ZNF618: variants seen among roughly 807,000 people sequenced by gnomAD.
ZNF618 encodes neural precursor cell expressed, developmentally down-regulated 10.
ZNF618 carries 34 observed loss-of-function variants against 103.0 expected under a neutral mutation model. That is an observed-to-expected ratio of 0.33 (90% CI 0.25 to 0.44). The LOEUF is 0.44. ZNF618 is among the 20% of genes least tolerant of loss of function. ZNF618 has a pLI of 1.00. For missense variants in ZNF618, 1,059 were observed against 1,295.4 expected (o/e 0.82, Z 2.80); for synonymous variants, 551 against 542.2 (o/e 1.02, Z -0.23).
At chr9:113,926,554 A>G (rs146914648) in intron 1 of ZNF618, among the ~76,000 whole-genome samples, 77 of 151,678 alleles carry the variant, frequency 5.1e-4, no homozygotes, top group African/African-American at 1.9e-3. Flanking sequence ...ATTTGGCTCT[A>G]TTTTTTACAC....
intron 1 of ZNF618, 54 bp from the exon 2 acceptor site, chr9:113,969,063 C>G: frequency 6.2e-7 from 1 of 1,608,096 alleles, no homozygotes; most frequent in Non-Finnish European, 8.5e-7. Flanking sequence ...GGCAGCAGGT[C>G]AAATCTGCAT....
At chr9:113,989,012 A>C (rs906818431) in intron 3 of ZNF618, among the ~76,000 whole-genome samples, 2 of 152,070 alleles carry the variant, frequency 1.3e-5, no homozygotes, top group African/African-American at 4.8e-5. Context: ...GACAGATGGC[A>C]CTTCCCCTGC....
At chr9:113,889,185 G>T (rs1829361676) in intron 1 of ZNF618, among the ~76,000 whole-genome samples, 1 of 152,230 alleles carries the variant, frequency 6.6e-6, no homozygotes, top group South Asian at 2.1e-4. Context: ...TCTGGCTCAG[G>T]GTCTTTCTGT....
chr9:113,994,430 A>T (rs535367961), intron 3 of ZNF618, among the ~76,000 whole-genome samples: 2 of 152,322 alleles, frequency 1.3e-5, no homozygotes, highest in South Asian at 2.1e-4. Context: ...CCACCCTCCC[A>T]GGCGCGTCCT....
intron 1 of ZNF618, among the ~76,000 whole-genome samples, chr9:113,879,527 A>G (rs1047673647): frequency 6.6e-6 from 1 of 150,844 alleles, no homozygotes; most frequent in Non-Finnish European, 1.5e-5. Context: ...CTGGATTGAG[A>G]TCTGACCTTG....
intron 1 of ZNF618, among the ~76,000 whole-genome samples, chr9:113,888,492 C>T (rs1829286653): frequency 6.6e-6 from 1 of 152,276 alleles, no homozygotes; most frequent in African/African-American, 2.4e-5. Context: ...ATTTGACATA[C>T]TTGGAATCGG....
chr9:114,011,280 A>G (rs1396341127), intron 9 of ZNF618, among the ~76,000 whole-genome samples: 3 of 152,244 alleles, frequency 2.0e-5, no homozygotes, highest in Admixed American at 2.0e-4. Flanking sequence ...TAGTCCTTAC[A>G]CATGCATGCA....
chr9:113,961,176 A>C (rs1836811503), intron 1 of ZNF618, among the ~76,000 whole-genome samples: 1 of 152,162 alleles, frequency 6.6e-6, no homozygotes, highest in Non-Finnish European at 1.5e-5. Context: ...CTGACCCTGA[A>C]GTCTGTTGGA....
intron 1 of ZNF618, among the ~76,000 whole-genome samples, chr9:113,908,014 G>A (rs570601404): frequency 1.9e-4 from 29 of 152,224 alleles, no homozygotes; most frequent in African/African-American, 5.3e-4. Context: ...ACTTAAATTG[G>A]GAGGAATGTT....
At chr9:113,916,206 A>G (rs1832064939) in intron 1 of ZNF618, among the ~76,000 whole-genome samples, 1 of 152,070 alleles carries the variant, frequency 6.6e-6, no homozygotes, top group Non-Finnish European at 1.5e-5. Context: ...CCATTGTATG[A>G]CCCAGGGACA....
rs182829691 is a variant in ZNF618 at position 114,050,767 on chromosome 9, C to T, written c.*600C>T. The T allele has an allele frequency of 2.0e-5, 3 of 153,044 alleles. No individual in the cohort carries two copies. Among genetic ancestry groups the T allele is most frequent in the Admixed American group, 6.5e-5 (1 of 15,300 alleles). 9.5% of individuals were successfully genotyped at this position (153,044 alleles called of 1,614,324 possible). ...CTACCCTCCTGATCCCATTGTGCACCCCCCCACACACTCGGCTGCTCTGCT... is the reference window on the plus strand; with the variant it reads ...CTACCCTCCTGATCCCATTGTGCACTCCCCCACACACTCGGCTGCTCTGCT... On this transcript the variant is annotated 3_prime_UTR_variant, in exon 15 of 15. Transcript: ENST00000374126.
chr9:113,970,087 T>C (rs1299440441), intron 2 of ZNF618, among the ~76,000 whole-genome samples: 1 of 152,094 alleles, frequency 6.6e-6, no homozygotes. Context: ...TAGAGGACAG[T>C]GGGTTAAACA....
chr9:114,049,961 C>T lies in ZNF618; in HGVS notation c.2659C>T (p.Pro887Ser), dbSNP rs1323066762. 1.9e-6 allele frequency: 3 copies of T among 1,613,844 alleles called. No individual in the cohort carries two copies. Among genetic ancestry groups the T allele is most frequent in the Non-Finnish European group, 1.7e-6 (2 of 1,179,902 alleles). ...GCAGGAGCCCCTCTTCCAGGCTACC[C>T]CTGATCTCTTCCAGTACTGGTCGTG... Reference protein sequence around the residue: ...YLQEPLFQATPDLFQYWSCVT... With the variant: ...YLQEPLFQATSDLFQYWSCVT... Residue 887 changes from proline to serine, a missense_variant, in exon 15 of 15, where the codon CCT becomes TCT. Physicochemically the swap from Pro to Ser is moderately conservative, Grantham distance 74 (BLOSUM62 -1). This residue lies in a region of ZNF618 where 156 missense variants were observed against 197.1 expected (regional missense o/e 0.79). Transcript: ENST00000374126.
At chr9:113,918,238 A>C (rs188900127) in intron 1 of ZNF618, among the ~76,000 whole-genome samples, 3 of 152,324 alleles carry the variant, frequency 2.0e-5, no homozygotes, top group African/African-American at 7.2e-5. Flanking sequence ...ACTGTATGAC[A>C]TCGGGGACCT....
At chr9:113,908,770 T>C (rs906524613) in intron 1 of ZNF618, among the ~76,000 whole-genome samples, 6 of 151,942 alleles carry the variant, frequency 3.9e-5, no homozygotes, top group African/African-American at 1.5e-4. Context: ...GATCACAGAA[T>C]CACAAGATAC....
In ZNF618 at chr9:114,048,006, C is replaced by A. The variant is rs2134648570; in HGVS notation, c.1348+12C>A. On this transcript the variant is annotated intron_variant, in intron 14 of 14. Transcript: ENST00000374126. ...CAGTGCCAATAACAGTAGGTCTCCCCAAGCAGGGCTGGACCTGAGGGTCCC... is the reference window on the plus strand; with the variant it reads ...CAGTGCCAATAACAGTAGGTCTCCCAAAGCAGGGCTGGACCTGAGGGTCCC... 2 of 1,566,940 alleles carry A rather than the reference C, an allele frequency of 1.3e-6. No homozygotes were observed. Among genetic ancestry groups the A allele is most frequent in the South Asian group, 2.4e-5 (2 of 84,788 alleles).
chr9:114,028,718 G>C lies in ZNF618; in HGVS notation c.845-15G>C. On this transcript the variant is annotated splice_polypyrimidine_tract_variant and intron_variant, in intron 10 of 14. Coordinates refer to ENST00000374126, the MANE Select transcript of ZNF618 (RefSeq NM_001318042.2). ...CTGGGAGGGCCCTCGGGGACTGAGA[G>C]CGTGACCCTCTCAGGTACTGCCCCC... 6.5e-7 allele frequency: 1 copy of C among 1,547,298 alleles called. No individual in the cohort carries two copies. The highest frequency in any genetic ancestry group is 8.7e-7 in the Non-Finnish European group (1 of 1,145,050).
At chr9:113,976,847 G>A (rs1454810859) in intron 2 of ZNF618, among the ~76,000 whole-genome samples, 2 of 152,170 alleles carry the variant, frequency 1.3e-5, no homozygotes, top group Admixed American at 6.5e-5. Context: ...TAACTAATAT[G>A]CATTGAGTTC....
intron 9 of ZNF618, among the ~76,000 whole-genome samples, chr9:114,015,529 T>G (rs1454463977): frequency 6.6e-6 from 1 of 152,208 alleles, no homozygotes; most frequent in African/African-American, 2.4e-5. Flanking sequence ...CCTTTCTGGT[T>G]GGGATGATGG....
Sources: allele counts gnomAD v4.1 joint callset (sites outside exome capture counted in the v4.1 genomes callset), GRCh38; gene constraint gnomAD v4.1.1; regional missense constraint gnomAD v4.1.1; transcripts MANE v1.5; gene names NCBI Gene and HGNC (gene_info 2026-07-23, HGNC 2026-07-21).